SHISAL1: variants seen among roughly 807,000 people sequenced by gnomAD.
The protein encoded by SHISAL1 is shisa like 1, also known as protein shisa-like-1.
Under a neutral mutation model 22.6 loss-of-function variants are expected in SHISAL1, and 9 were observed. The ratio of observed to expected loss-of-function variants is 0.40; its 90% CI spans 0.24 to 0.70. The LOEUF (loss-of-function observed/expected upper bound fraction) is 0.70, where lower values mean the gene tolerates loss of function less well. Ranked by LOEUF, SHISAL1 falls within the 30% of genes least tolerant of loss-of-function variation. SHISAL1 has a pLI of 0.39. For synonymous variants in SHISAL1, 119 were observed against 115.4 expected (o/e 1.03, Z -0.20); for missense variants, 246 against 270.6 (o/e 0.91, Z 0.64).
At position 44,310,559 on chromosome 22, in the gene SHISAL1, C is replaced by T. The variant is rs1052521436; in HGVS notation, c.-33+2192G>A. On this transcript the variant is annotated intron_variant, in intron 1 of 4. Coordinates refer to ENST00000381176, the MANE Select transcript of SHISAL1 (RefSeq NM_001099294.2). The surrounding 1 kb of genome is among the most constrained non-coding windows in gnomAD (Gnocchi z 4.0). ...AACGGGAGCCGTGCCCCACACCTTG[C>T]AGGTATACCAAACATAGAAAGGACC... 2.0e-5 allele frequency among the ~76,000 whole-genome samples: 3 copies of T among 152,180 alleles called. No homozygotes were observed. The highest frequency in any genetic ancestry group is 2.9e-5 in the Non-Finnish European group (2 of 68,030).
chr22:44,324,072 C>T, the SHISAL1 span, among the ~76,000 whole-genome samples: 2 of 152,190 alleles, frequency 1.3e-5, no homozygotes, highest in East Asian at 3.8e-4. Flanking sequence ...CTTACTGTCT[C>T]TCTAGAGCTT....
chr22:44,254,538 T>G (rs977968354), intron 4 of SHISAL1, among the ~76,000 whole-genome samples: 3 of 152,032 alleles, frequency 2.0e-5, no homozygotes, highest in African/African-American at 7.2e-5. Context: ...TTAAAAAAAA[T>G]TTTTGCAGGG....
chr22:44,280,207 A>G (rs135403), intron 4 of SHISAL1, among the ~76,000 whole-genome samples: 78,891 of 151,966 alleles, frequency 0.52, 21,679 homozygotes, highest in Non-Finnish European at 0.62. Context: ...TGAATCTGCA[A>G]GGGATTTGAG....
chr22:44,319,176 C>T, the SHISAL1 span, among the ~76,000 whole-genome samples: 1 of 152,228 alleles, frequency 6.6e-6, no homozygotes, highest in East Asian at 1.9e-4. Context: ...AGGAAAAGGC[C>T]ATTCCTTGAG....
At position 44,244,697 on chromosome 22, in the gene SHISAL1, G is replaced by C. The variant is rs2054983423; in HGVS notation, c.*4988C>G. ...GGCACAACTAGCCGTTTCACAAGTGGTCCCAGCTATAGCAGGAATGGCTCC... is the reference window on the plus strand; with the variant it reads ...GGCACAACTAGCCGTTTCACAAGTGCTCCCAGCTATAGCAGGAATGGCTCC... On this transcript the variant is annotated 3_prime_UTR_variant, in exon 5 of 5. Transcript: ENST00000381176. 1 of 152,138 alleles carries C rather than the reference G, an allele frequency of 6.6e-6. No homozygotes were observed. The highest frequency in any genetic ancestry group is 2.4e-5 in the African/African-American group (1 of 41,414). The allele number at this position is 152,138 out of a possible 1,614,324, so 9.4% of individuals were successfully genotyped here.
the SHISAL1 span, among the ~76,000 whole-genome samples, chr22:44,324,962 G>A: frequency 6.6e-5 from 10 of 152,338 alleles, no homozygotes; most frequent in East Asian, 1.9e-3. Flanking sequence ...CTGCTGGAGG[G>A]CTGGGTGCAG....
intron 4 of SHISAL1, among the ~76,000 whole-genome samples, chr22:44,283,690 G>A (rs1361717847): frequency 6.6e-6 from 1 of 152,278 alleles, no homozygotes; most frequent in Middle Eastern, 3.4e-3. Flanking sequence ...GTATGTGCAT[G>A]CAAAAGGTGC....
chr22:44,277,322 T>G (rs2055246677), intron 4 of SHISAL1, among the ~76,000 whole-genome samples: 1 of 152,212 alleles, frequency 6.6e-6, no homozygotes, highest in Non-Finnish European at 1.5e-5. Context: ...TCACCCACTG[T>G]CCTGGTGAGG....
At chr22:44,257,902 G>C (rs2147270535) in intron 4 of SHISAL1, among the ~76,000 whole-genome samples, 1 of 152,376 alleles carries the variant, frequency 6.6e-6, no homozygotes, top group South Asian at 2.1e-4. Context: ...AGCACTTTGG[G>C]AGGCCGAGGT....
At position 44,247,824 on chromosome 22, in the gene SHISAL1, G is replaced by A. The variant is rs1244304598; in HGVS notation, c.*1861C>T. ...TGACTCACAGCAGAGCCCAGAGCTG[G>A]GCACTATCACCCTCATCTCCTTCTG... On this transcript the variant is annotated 3_prime_UTR_variant, in exon 5 of 5. Coordinates refer to ENST00000381176, the MANE Select transcript of SHISAL1 (RefSeq NM_001099294.2). The A allele has an allele frequency of 6.6e-6, 1 of 152,134 alleles. No homozygotes were observed. Among genetic ancestry groups the A allele is most frequent in the Non-Finnish European group, 1.5e-5 (1 of 68,070 alleles). 9.4% of individuals were successfully genotyped at this position (152,134 alleles called of 1,614,324 possible).
chr22:44,281,074 G>A (rs1369619065), intron 4 of SHISAL1, among the ~76,000 whole-genome samples: 1 of 152,134 alleles, frequency 6.6e-6, no homozygotes, highest in Non-Finnish European at 1.5e-5. Flanking sequence ...CCCCTCCACT[G>A]CTTGCTCCTT....
At position 44,296,722 on chromosome 22, in the gene SHISAL1, C is replaced by A. The variant is rs1301770611; in HGVS notation, c.231G>T (p.Gln77His). 1.2e-6 allele frequency: 2 copies of A among 1,614,028 alleles called. No individual in the cohort carries two copies. The highest frequency in any genetic ancestry group is 2.7e-5 in the African/African-American group (2 of 74,942). ...CCGTGAGGTTCGCCTGCATCACCGC[C>A]TGGAACTCCGTCTCGTTGCAGCAGT... ...FKYCCNETEF[Q>H]AVMQANLTAS... is the part of the protein sequence containing the mutation. Residue 77 changes from glutamine (Q) to histidine (H), a missense_variant, in exon 3 of 5, where the codon CAG (glutamine) becomes CAT (histidine). By Grantham distance (24) the Gln-to-His change is conservative. This residue lies in a region of SHISAL1 where 110 missense variants were observed against 153.1 expected (regional missense o/e 0.72). Transcript: ENST00000381176.
intron 4 of SHISAL1, among the ~76,000 whole-genome samples, chr22:44,265,043 C>A (rs1215405659): frequency 4.6e-5 from 7 of 152,148 alleles, no homozygotes; most frequent in Admixed American, 4.6e-4. Flanking sequence ...TGACTTTTCC[C>A]TTCTGCTCTC....
At chr22:44,274,273 TAGG>T (rs957616343) in intron 4 of SHISAL1, among the ~76,000 whole-genome samples, 4 of 151,884 alleles carry the variant, frequency 2.6e-5, no homozygotes, top group African/African-American at 9.7e-5. Context: ...TGTATAGAAA[TAGG>T]GGCACCCCAT....
At position 44,249,531 on chromosome 22, in the gene SHISAL1, G is replaced by A. The variant is rs188452755; in HGVS notation, c.*154C>T. 215 of 599,670 alleles carry A rather than the reference G, an allele frequency of 3.6e-4. 1 individual carries two copies. The highest frequency in any genetic ancestry group is 1.8e-3 in the African/African-American group (97 of 53,628). The allele number at this position is 599,670 out of a possible 1,614,324, so 37.1% of individuals were successfully genotyped here. A position where few individuals can be genotyped will look rare whatever the true frequency, so the allele number is the denominator to read the frequency against. ...TTTGCTCCTAATCTTAGAAGTCCGCGGAAGGGGGCTTTGGGCACAGGCAGC... is the reference window on the plus strand; with the variant it reads ...TTTGCTCCTAATCTTAGAAGTCCGCAGAAGGGGGCTTTGGGCACAGGCAGC... On this transcript the variant is annotated 3_prime_UTR_variant, in exon 5 of 5. Transcript: ENST00000381176.
At chr22:44,327,229 G>A in the SHISAL1 span, among the ~76,000 whole-genome samples, 3 of 125,216 alleles carry the variant, frequency 2.4e-5, 1 homozygote, top group African/African-American at 1.0e-4. Flanking sequence ...GCTGTGGAGA[G>A]TGGGGGGCGC....
intron 1 of SHISAL1, among the ~76,000 whole-genome samples, chr22:44,304,318 G>A (rs991327636): frequency 6.6e-6 from 1 of 152,230 alleles, no homozygotes; most frequent in Non-Finnish European, 1.5e-5. Flanking sequence ...AACGCACAGT[G>A]CTCATGGCCT....
rs752674611 is a variant in SHISAL1, at chr22:44,244,214, CTA to C, written c.*5469_*5470del. ...GCTGTGGCCAGGGTGGCCATATCAT[CTA>C]TAGTTTTAGATCCTGTGCTCAGGGT... is the stretch of plus-strand genomic sequence containing the variant. On this transcript the variant is annotated 3_prime_UTR_variant, in exon 5 of 5. Transcript: ENST00000381176. 2.6e-5 allele frequency: 4 copies of C among 152,224 alleles called. No individual in the cohort carries two copies. The highest frequency in any genetic ancestry group is 5.9e-5 in the Non-Finnish European group (4 of 68,058). 9.4% of individuals were successfully genotyped at this position (152,224 alleles called of 1,614,324 possible).
chr22:44,265,520 CT>C (rs1264009635), intron 4 of SHISAL1, among the ~76,000 whole-genome samples: 1 of 152,148 alleles, frequency 6.6e-6, no homozygotes, highest in Non-Finnish European at 1.5e-5. Flanking sequence ...TGATTGCAGC[CT>C]CCTGAGAGAC....
Sources: allele counts gnomAD v4.1 joint callset (sites outside exome capture counted in the v4.1 genomes callset), GRCh38; gene constraint gnomAD v4.1.1; regional missense constraint gnomAD v4.1.1; non-coding constraint Gnocchi (gnomAD v3.1); transcripts MANE v1.5; gene names NCBI Gene and HGNC (gene_info 2026-07-23, HGNC 2026-07-21).